PCDHB13: variants seen among roughly 807,000 people sequenced by gnomAD.
The protein encoded by PCDHB13 is protocadherin beta-13.
For synonymous variants in PCDHB13, 515 were observed against 450.7 expected (o/e 1.14, Z -1.81); for missense variants, 1,065 against 1,016.7 (o/e 1.05, Z -0.65).
Position 141,214,715 on chromosome 5 carries a change from G to A in PCDHB13, c.592G>A (p.Asp198Asn), listed in dbSNP as rs1554287689. The part of the protein sequence containing the change: ...DGRKYPELVL[D>N]KALDREEEAE... Reference sequence around the variant, plus strand: ...CAGGAAATACCCAGAGCTGGTGCTGGACAAAGCGCTGGACCGAGAGGAAGA... The same window carrying A: ...CAGGAAATACCCAGAGCTGGTGCTGAACAAAGCGCTGGACCGAGAGGAAGA... The change falls in exon 1 of 1, where the codon GAC becomes AAC. Residue 198 changes from aspartate (D) to asparagine (N), a missense_variant. Coordinates refer to ENST00000341948, the MANE Select transcript of PCDHB13 (RefSeq NM_018933.4). 6.2e-7 allele frequency: 1 copy of A among 1,614,096 alleles called. No individual in the cohort carries two copies.
At position 141,214,997 on chromosome 5, in the gene PCDHB13, A is replaced by G. The variant is rs1273537438; in HGVS notation, c.874A>G (p.Thr292Ala). 1 of 1,613,998 alleles carries G rather than the reference A, an allele frequency of 6.2e-7. No homozygotes were observed. The change falls in exon 1 of 1, where the codon ACC becomes GCC. Residue 292 changes from threonine (T) to alanine (A), a missense_variant. Physicochemically the swap from Thr to Ala is moderately conservative, Grantham distance 58. Coordinates refer to ENST00000341948, the MANE Select transcript of PCDHB13 (RefSeq NM_018933.4). ...CCAAGCTTCAGAAGAGATTGGCAAAACCTTTAAGATCAATCCCTTGACAGG... is the reference window on the plus strand; with the variant it reads ...CCAAGCTTCAGAAGAGATTGGCAAAGCCTTTAAGATCAATCCCTTGACAGG... ...LFQASEEIGK[T>A]FKINPLTGEI...
At position 141,217,508 on chromosome 5, in the gene PCDHB13, T is replaced by C. The variant is rs1333300631; in HGVS notation, c.*988T>C. On this transcript the variant is annotated 3_prime_UTR_variant, in exon 1 of 1. Transcript: ENST00000341948. ...ATGTGGTCATGATCCACTAAATTTATTTCATGGTATACTAGTGGGTAGTAA... is the reference window on the plus strand; with the variant it reads ...ATGTGGTCATGATCCACTAAATTTACTTCATGGTATACTAGTGGGTAGTAA... The C allele has an allele frequency of 1.2e-5, 2 of 167,046 alleles. No individual in the cohort carries two copies. The highest frequency in any genetic ancestry group is 4.8e-5 in the African/African-American group (2 of 41,402). 10.3% of individuals were successfully genotyped at this position (167,046 alleles called of 1,614,324 possible).
In PCDHB13 at chr5:141,214,077, C is replaced by T; in HGVS notation, c.-47C>T. The T allele has an allele frequency of 1.9e-6, 3 of 1,610,426 alleles. No individual in the cohort carries two copies. The highest frequency in any genetic ancestry group is 2.5e-6 in the Non-Finnish European group (3 of 1,176,874). On this transcript the variant is annotated 5_prime_UTR_variant, in exon 1 of 1. Transcript: ENST00000341948. Reference sequence around the variant, plus strand: ...ACAGCCTCAGATACTGGGGACTTTACAGTCCCACAGAACCGTCCTCCCAGG... The same window carrying T: ...ACAGCCTCAGATACTGGGGACTTTATAGTCCCACAGAACCGTCCTCCCAGG...
Position 141,214,034 on chromosome 5 carries a change from G to T in PCDHB13, c.-90G>T. 1 of 1,540,770 alleles carries T rather than the reference G, an allele frequency of 6.5e-7. No homozygotes were observed. Among genetic ancestry groups the T allele is most frequent in the Non-Finnish European group, 8.9e-7 (1 of 1,121,478 alleles). On this transcript the variant is annotated 5_prime_UTR_variant, in exon 1 of 1. The change creates a new upstream start codon in the 5' untranslated region. Coordinates refer to ENST00000341948, the MANE Select transcript of PCDHB13 (RefSeq NM_018933.4). ...GGACTACTCACTGGCATATTTCTGA[G>T]GTATCTGTAGAATAACCACAGCCTC...
In PCDHB13 at chr5:141,215,275, C is replaced by T. The variant is rs1554287840; in HGVS notation, c.1152C>T (p.Cys384=). Reference sequence around the variant, plus strand: ...CAGGAGAAAATGGGAAAATTAGTTGCTCCATTCAGGAGGATCTACCCTTCC... The same window carrying T: ...CAGGAGAAAATGGGAAAATTAGTTGTTCCATTCAGGAGGATCTACCCTTCC... The part of the protein sequence containing the change: ...LDSGENGKIS[C]SIQEDLPFLL... The change falls in exon 1 of 1, where the codon TGC becomes TGT. Residue 384 remains cysteine, a synonymous_variant. Coordinates refer to ENST00000341948, the MANE Select transcript of PCDHB13 (RefSeq NM_018933.4). The T allele has an allele frequency of 1.2e-6, 2 of 1,614,084 alleles. No individual in the cohort carries two copies. The highest frequency in any genetic ancestry group is 2.2e-5 in the East Asian group (1 of 44,868).
rs782802811 is a variant in PCDHB13 at position 141,214,207 on chromosome 5, G to A, written c.84G>A (p.Ala28=). ...TTTTGGGCTTATCTCTGGCGGGCGCGGCGGAACCTAGAAGCTATTCTGTGG... is the reference window on the plus strand; with the variant it reads ...TTTTGGGCTTATCTCTGGCGGGCGCAGCGGAACCTAGAAGCTATTCTGTGG... The part of the protein sequence containing the change: ...FLLLGLSLAG[A]AEPRSYSVVE... Residue 28 remains alanine (A), a synonymous_variant, in exon 1 of 1, where the codon GCG becomes GCA. Transcript: ENST00000341948. 8 of 1,608,204 alleles carry A rather than the reference G, an allele frequency of 5.0e-6. No individual in the cohort carries two copies. In the Admixed American group the frequency reaches 8.4e-5, roughly 17 times the overall value.
At position 141,216,706 on chromosome 5, in the gene PCDHB13, C is replaced by A; in HGVS notation, c.*186C>A. The A allele has an allele frequency of 1.4e-6, 1 of 720,298 alleles. No individual in the cohort carries two copies. Among genetic ancestry groups the A allele is most frequent in the Non-Finnish European group, 2.5e-6 (1 of 397,772 alleles). The allele number at this position is 720,298 out of a possible 1,614,324, so 44.6% of individuals were successfully genotyped here. ...TCCTGGTTCTTAAAAGGTGACAATTCATTCTTTAACCCAGATGGTCTTAAT... is the reference window on the plus strand; with the variant it reads ...TCCTGGTTCTTAAAAGGTGACAATTAATTCTTTAACCCAGATGGTCTTAAT... On this transcript the variant is annotated 3_prime_UTR_variant, in exon 1 of 1. Coordinates refer to ENST00000341948, the MANE Select transcript of PCDHB13 (RefSeq NM_018933.4).
rs1754621499 is a variant in PCDHB13, at chr5:141,216,562, G to A, written c.*42G>A. 6.8e-7 allele frequency: 1 copy of A among 1,468,208 alleles called. No homozygotes were observed. Among genetic ancestry groups the A allele is most frequent in the Non-Finnish European group, 9.6e-7 (1 of 1,046,862 alleles). The allele number at this position is 1,468,208 out of a possible 1,614,324, so 90.9% of individuals were successfully genotyped here. A position where few individuals can be genotyped will look rare whatever the true frequency, so the allele number is the denominator to read the frequency against. On this transcript the variant is annotated 3_prime_UTR_variant, in exon 1 of 1. Coordinates refer to ENST00000341948, the MANE Select transcript of PCDHB13 (RefSeq NM_018933.4). ...CATTCCATAGGTATTTTATTTTGTGGCATTTCCATGCCAATGTTTATTTCC... is the reference window on the plus strand; with the variant it reads ...CATTCCATAGGTATTTTATTTTGTGACATTTCCATGCCAATGTTTATTTCC...
Position 141,214,151 on chromosome 5 carries a change from A to G in PCDHB13, c.28A>G (p.Arg10Gly), listed in dbSNP as rs782555290. MEASGKLICRQRQVLFSFLL... is the reference protein window; with the variant it reads MEASGKLICGQRQVLFSFLL... Reference sequence around the variant, plus strand: ...GGAGGCCAGCGGGAAGCTCATTTGCAGACAAAGGCAAGTCCTTTTTTCCTT... The same window carrying G: ...GGAGGCCAGCGGGAAGCTCATTTGCGGACAAAGGCAAGTCCTTTTTTCCTT... The change falls in exon 1 of 1, where the codon AGA (arginine) becomes GGA (glycine). Residue 10 changes from arginine (R) to glycine (G), a missense_variant. Coordinates refer to ENST00000341948, the MANE Select transcript of PCDHB13 (RefSeq NM_018933.4). 3.7e-6 allele frequency: 6 copies of G among 1,613,998 alleles called. No individual in the cohort carries two copies. The Admixed American group carries it at 6.7e-5, about 18-fold the overall frequency.
chr5:141,215,143 T>C lies in PCDHB13; in HGVS notation c.1020T>C (p.Asp340=), dbSNP rs782415909. ...GCACCGTTCTGATTCAAGTGATAGA[T>C]GTGAACGACCATGCCCCAGAAGTTA... ...GKCTVLIQVI[D]VNDHAPEVTM... is the part of the protein sequence containing the mutation. Residue 340 remains aspartate (D), a synonymous_variant, in exon 1 of 1, where the codon GAT becomes GAC. Coordinates refer to ENST00000341948, the MANE Select transcript of PCDHB13 (RefSeq NM_018933.4). The C allele has an allele frequency of 1.2e-6, 2 of 1,614,186 alleles. No individual in the cohort carries two copies. Among genetic ancestry groups the C allele is most frequent in the South Asian group, 2.2e-5 (2 of 91,084 alleles).
In PCDHB13 at chr5:141,215,443, G is replaced by C; in HGVS notation, c.1320G>C (p.Leu440=). Reference sequence around the variant, plus strand: ...TAACACAGCTCAATATGACCGTGCTGATCGCCGATGTCAATGACAACGCTC... The same window carrying C: ...TAACACAGCTCAATATGACCGTGCTCATCGCCGATGTCAATGACAACGCTC... ...MLITQLNMTV[L]IADVNDNAPA... is the part of the protein sequence containing the mutation. The change falls in exon 1 of 1, where the codon CTG becomes CTC. Residue 440 remains leucine (L), a synonymous_variant. Coordinates refer to ENST00000341948, the MANE Select transcript of PCDHB13 (RefSeq NM_018933.4). The C allele has an allele frequency of 6.2e-7, 1 of 1,614,180 alleles. No individual in the cohort carries two copies. The highest frequency in any genetic ancestry group is 2.2e-5 in the East Asian group (1 of 44,874).
Position 141,215,848 on chromosome 5 carries a change from G to T in PCDHB13, c.1725G>T (p.Leu575=). ...ACGGCTCCGCGCCCTGCACCGAGCT[G>T]GTGCCCCGGGCGGCCGAGCCGGGCT... ...LQNGSAPCTE[L]VPRAAEPGYL... Residue 575 remains leucine (L), a synonymous_variant, in exon 1 of 1, where the codon CTG becomes CTT. Transcript: ENST00000341948. 1 of 1,608,698 alleles carries T rather than the reference G, an allele frequency of 6.2e-7. No individual in the cohort carries two copies. Among genetic ancestry groups the T allele is most frequent in the Non-Finnish European group, 8.5e-7 (1 of 1,178,930 alleles).
rs1367733190 is a variant in PCDHB13 at position 141,215,323 on chromosome 5, T to C, written c.1200T>C (p.Phe400=). The change falls in exon 1 of 1, where the codon TTT becomes TTC. Residue 400 remains phenylalanine, a synonymous_variant. Coordinates refer to ENST00000341948, the MANE Select transcript of PCDHB13 (RefSeq NM_018933.4). ...LPFLLKSAEN[F]YTLLTERPLD... ...TCCTCCTGAAATCCGCGGAAAACTT[T>C]TACACCCTACTAACGGAGAGACCAC... 2 of 1,613,896 alleles carry C rather than the reference T, an allele frequency of 1.2e-6. No individual in the cohort carries two copies. The highest frequency in any genetic ancestry group is 4.5e-5 in the East Asian group (2 of 44,876).
chr5:141,216,773 A>G lies in PCDHB13; in HGVS notation c.*253A>G. 1 of 537,526 alleles carries G rather than the reference A, an allele frequency of 1.9e-6. No individual in the cohort carries two copies. Among genetic ancestry groups the G allele is most frequent in the Non-Finnish European group, 3.4e-6 (1 of 291,086 alleles). 33.3% of individuals were successfully genotyped at this position (537,526 alleles called of 1,614,324 possible). A position where few individuals can be genotyped will look rare whatever the true frequency, so the allele number is the denominator to read the frequency against. ...TCCCTAAAGAGCAATACCAAATCAC[A>G]TTTTTTTCATGCCCCTATCTTTAGC... On this transcript the variant is annotated 3_prime_UTR_variant, in exon 1 of 1. Coordinates refer to ENST00000341948, the MANE Select transcript of PCDHB13 (RefSeq NM_018933.4).
At position 141,215,361 on chromosome 5, in the gene PCDHB13, G is replaced by A. The variant is rs1554287878; in HGVS notation, c.1238G>A (p.Ser413Asn). 2 of 1,614,174 alleles carry A rather than the reference G, an allele frequency of 1.2e-6. No individual in the cohort carries two copies. The highest frequency in any genetic ancestry group is 8.5e-7 in the Non-Finnish European group (1 of 1,180,038). The change falls in exon 1 of 1, where the codon AGC (serine) becomes AAC (asparagine). Residue 413 changes from serine (S) to asparagine (N), a missense_variant. By Grantham distance (46) the Ser-to-Asn change is conservative. Coordinates refer to ENST00000341948, the MANE Select transcript of PCDHB13 (RefSeq NM_018933.4). ...LLTERPLDRE[S>N]RAEYNITITV... ...ACGGAGAGACCACTAGACAGAGAAA[G>A]CAGAGCGGAATACAACATCACTATC...
Position 141,215,737 on chromosome 5 carries a change from C to G in PCDHB13, c.1614C>G (p.Ser538=). 1 of 1,612,298 alleles carries G rather than the reference C, an allele frequency of 6.2e-7. No homozygotes were observed. The highest frequency in any genetic ancestry group is 1.1e-5 in the South Asian group (1 of 90,988). ...QFRVGASDHG[S]PALSSEALVR... ...GCGTGGGCGCTTCAGACCACGGCTC[C>G]CCGGCGCTGAGCAGCGAGGCGCTGG... Residue 538 remains serine, a synonymous_variant, in exon 1 of 1, where the codon TCC becomes TCG. Coordinates refer to ENST00000341948, the MANE Select transcript of PCDHB13 (RefSeq NM_018933.4).
rs376579786 is a variant in PCDHB13, at chr5:141,216,022, C to A, written c.1899C>A (p.Arg633=). 6.8e-6 allele frequency: 11 copies of A among 1,606,902 alleles called. No homozygotes were observed. The highest frequency in any genetic ancestry group is 9.3e-6 in the Non-Finnish European group (11 of 1,179,552). ...EVRTARLLSE[R]DAAKHRLVVL... ...GCACCGCCAGGCTGCTGAGCGAGCG[C>A]GACGCGGCCAAGCACAGGCTGGTGG... The change falls in exon 1 of 1, where the codon CGC becomes CGA. Residue 633 remains arginine, a synonymous_variant. Coordinates refer to ENST00000341948, the MANE Select transcript of PCDHB13 (RefSeq NM_018933.4).
In PCDHB13 at chr5:141,214,636, T is replaced by C. The variant is rs782449176; in HGVS notation, c.513T>C (p.Tyr171=). 2.9e-5 allele frequency: 47 copies of C among 1,614,034 alleles called. No homozygotes were observed. In the East Asian group the frequency reaches 9.6e-4, roughly 33 times the overall value. The part of the protein sequence containing the change: ...LDVGQNNIEN[Y]IISPNSYFRV... ...TAGGCCAAAACAATATTGAGAACTA[T>C]ATAATCAGCCCCAACTCCTATTTTC... The change falls in exon 1 of 1, where the codon TAT becomes TAC. Residue 171 remains tyrosine (Y), a synonymous_variant. Transcript: ENST00000341948.
rs782330224 is a variant in PCDHB13, at chr5:141,217,058, G to A, written c.*538G>A. On this transcript the variant is annotated 3_prime_UTR_variant, in exon 1 of 1. Coordinates refer to ENST00000341948, the MANE Select transcript of PCDHB13 (RefSeq NM_018933.4). ...AAGTGTTATCACTTGATTCGAAAGG[G>A]TCAGAAGACCAGTTTTTTAGTATCC... 2.7e-5 allele frequency: 5 copies of A among 182,472 alleles called. No individual in the cohort carries two copies. The highest frequency in any genetic ancestry group is 6.3e-5 in the Non-Finnish European group (5 of 79,516). 11.3% of individuals were successfully genotyped at this position (182,472 alleles called of 1,614,324 possible). A position where few individuals can be genotyped will look rare whatever the true frequency, so the allele number is the denominator to read the frequency against.
Sources: gnomAD v4.1 joint callset for allele counts on GRCh38, gnomAD v4.1.1 for gene constraint, MANE v1.5 for transcripts, NCBI Gene and HGNC (gene_info 2026-07-23, HGNC 2026-07-21) for gene names.